Variants in CYTH3 observed in about 807,000 individuals in gnomAD.
CYTH3 encodes cytohesin 3, also known as cytohesin-3.
In CYTH3, 23 loss-of-function variants were observed where a neutral mutation model predicts 55.1. That is an observed-to-expected ratio of 0.42 (90% CI 0.30 to 0.59). The LOEUF is 0.59. Ranked by LOEUF, CYTH3 falls within the 20% of genes least tolerant of loss-of-function variation. The pLI is 0.20. For synonymous variants in CYTH3, 249 were observed against 194.9 expected (o/e 1.28, Z -2.31); for missense variants, 413 against 524.8 (o/e 0.79, Z 2.08).
intron 5 of CYTH3, among the ~76,000 whole-genome samples, chr7:6,175,197 C>T (rs1160238371): frequency 6.6e-6 from 1 of 152,046 alleles, no homozygotes; most frequent in Non-Finnish European, 1.5e-5. Context: ...TGTGGGTTGT[C>T]TTTTTACCTT....
At chr7:6,168,357 T>C (rs1378213372) in intron 9 of CYTH3, among the ~76,000 whole-genome samples, 1 of 151,828 alleles carries the variant, frequency 6.6e-6, no homozygotes, top group African/African-American at 2.4e-5. Context: ...AGACCACCTG[T>C]TCTAAAAGCA....
intron 1 of CYTH3, among the ~76,000 whole-genome samples, chr7:6,260,532 C>T (rs1248878412): frequency 6.6e-6 from 1 of 152,166 alleles, no homozygotes; most frequent in Non-Finnish European, 1.5e-5. Flanking sequence ...CACCTTCCCC[C>T]ACTAGCTCCT....
intron 9 of CYTH3, among the ~76,000 whole-genome samples, chr7:6,168,424 G>C (rs1194978569): frequency 2.0e-5 from 3 of 152,140 alleles, no homozygotes; most frequent in Admixed American, 1.3e-4. Context: ...GCACACGCCT[G>C]GAAGCACGTT....
At chr7:6,208,439 C>T (rs1014982538) in intron 1 of CYTH3, among the ~76,000 whole-genome samples, 1 of 152,232 alleles carries the variant, frequency 6.6e-6, no homozygotes, top group Non-Finnish European at 1.5e-5. Flanking sequence ...GTTTATTCCC[C>T]AGTTCCATAC....
At chr7:6,230,800 T>C (rs566911937) in intron 1 of CYTH3, among the ~76,000 whole-genome samples, 140 of 152,228 alleles carry the variant, frequency 9.2e-4, no homozygotes, top group Non-Finnish European at 1.5e-3. Flanking sequence ...AATCCCGTAT[T>C]TTGAAAAAAG....
chr7:6,168,473 C>T (rs1458161440), intron 9 of CYTH3, among the ~76,000 whole-genome samples: 1 of 152,064 alleles, frequency 6.6e-6, no homozygotes, highest in Non-Finnish European at 1.5e-5. Context: ...CCAGCCAGGG[C>T]CCTGGCTCGC....
At chr7:6,190,314 CA>C in intron 2 of CYTH3, 134 bp downstream of exon 2, 1 of 832,432 alleles carries the variant, frequency 1.2e-6, no homozygotes, top group Admixed American at 3.4e-5. Flanking sequence ...ACACACTAAA[CA>C]TCTTTTTTTT....
At chr7:6,201,720 G>A (rs1453255906) in intron 1 of CYTH3, among the ~76,000 whole-genome samples, 1 of 152,136 alleles carries the variant, frequency 6.6e-6, no homozygotes, top group African/African-American at 2.4e-5. Context: ...AATAAGAAGG[G>A]AAGTAATTTG....
intron 1 of CYTH3, among the ~76,000 whole-genome samples, chr7:6,253,513 A>C (rs1314491981): frequency 6.6e-6 from 1 of 151,974 alleles, no homozygotes; most frequent in Non-Finnish European, 1.5e-5. Context: ...CCAGCCACCA[A>C]AACACATTTT....
intron 5 of CYTH3, among the ~76,000 whole-genome samples, chr7:6,175,100 G>A (rs530087617): frequency 3.7e-4 from 57 of 152,310 alleles, no homozygotes; most frequent in Non-Finnish European, 6.2e-4. Context: ...ATTATATAAG[G>A]AGAAATATAT....
intron 1 of CYTH3, among the ~76,000 whole-genome samples, chr7:6,205,323 G>C (rs763729573): frequency 6.6e-6 from 1 of 152,076 alleles, no homozygotes; most frequent in Non-Finnish European, 1.5e-5. Flanking sequence ...CCTGTAATCC[G>C]GAACTTTGGG....
intron 1 of CYTH3, among the ~76,000 whole-genome samples, chr7:6,259,834 T>TATATATATATATATATA (rs58539237): frequency 6.0e-5 from 1 of 16,546 alleles, no homozygotes; most frequent in Admixed American, 1.0e-3. Context: ...ATATATATAT[T>TATATATATATATATATA]TTTTTTTTTT....
chr7:6,213,252 T>C (rs1784360269), intron 1 of CYTH3, among the ~76,000 whole-genome samples: 1 of 152,190 alleles, frequency 6.6e-6, no homozygotes, highest in Admixed American at 6.5e-5. Flanking sequence ...ATGAGATGTA[T>C]GTTTATTAGC....
At chr7:6,199,938 T>C (rs1323559732) in intron 1 of CYTH3, among the ~76,000 whole-genome samples, 2 of 152,150 alleles carry the variant, frequency 1.3e-5, no homozygotes, top group Admixed American at 1.3e-4. Flanking sequence ...AAATGAAAGG[T>C]GTATATATAA....
chr7:6,197,380 C>T (rs1186519352), intron 1 of CYTH3, among the ~76,000 whole-genome samples: 1 of 152,118 alleles, frequency 6.6e-6, no homozygotes, highest in African/African-American at 2.4e-5. Context: ...CTTCGAAATA[C>T]TTTAGCAAAA....
chr7:6,190,017 C>A (rs1783756978), intron 2 of CYTH3, among the ~76,000 whole-genome samples: 1 of 152,090 alleles, frequency 6.6e-6, no homozygotes, highest in Non-Finnish European at 1.5e-5. Context: ...GCCTGGGCAA[C>A]AGAGCGAGAC....
chr7:6,200,810 C>T (rs984950047), intron 1 of CYTH3, among the ~76,000 whole-genome samples: 2 of 152,226 alleles, frequency 1.3e-5, no homozygotes, highest in African/African-American at 4.8e-5. Flanking sequence ...GTCTGGACTG[C>T]AATGGCACAA....
chr7:6,183,444 T>C (rs73675887), intron 4 of CYTH3, among the ~76,000 whole-genome samples: 5,845 of 152,264 alleles, frequency 0.038, 198 homozygotes, highest in African/African-American at 0.09. Flanking sequence ...GGCTGCAGAG[T>C]GTTTTCAGCT....
At chr7:6,165,882 G>A (rs1403820892) in intron 9 of CYTH3, 72 bp from the exon 10 acceptor site, 2 of 1,428,244 alleles carry the variant, frequency 1.4e-6, no homozygotes, top group Non-Finnish European at 2.0e-6. Context: ...GGGGGCCCTG[G>A]ACCTGCACAG....
Sources: gnomAD v4.1 joint callset for allele counts (sites outside exome capture counted in the v4.1 genomes callset) on GRCh38, gnomAD v4.1.1 for gene constraint, MANE v1.5 for transcripts, NCBI Gene and HGNC (gene_info 2026-07-23, HGNC 2026-07-21) for gene names.